KIF6: variants seen among roughly 807,000 people sequenced by gnomAD.
KIF6 encodes the protein kinesin-like protein KIF6.
A neutral mutation model predicts 112.7 loss-of-function variants in KIF6; 106 were observed. The observed-to-expected ratio is 0.94, with a 90% CI of 0.80 to 1.11. The LOEUF is 1.11. Ranked by LOEUF, KIF6 falls within the 50% of genes least tolerant of loss-of-function variation. The pLI is 0.00. For missense variants in KIF6, 929 were observed against 964.0 expected, an observed-to-expected ratio of 0.96 and a Z score of 0.48; for synonymous variants, 339 against 339.9, an observed-to-expected ratio of 1.00 and a Z score of 0.03.
intron 13 of KIF6, among the ~76,000 whole-genome samples, chr6:39,488,921 A>G (rs1359557777): frequency 1.3e-5 from 2 of 152,192 alleles, no homozygotes; most frequent in Non-Finnish European, 2.9e-5. Context: ...AGTTTCTAGA[A>G]TGGCAGAGTT....
chr6:39,539,587 C>T (rs922639164), intron 13 of KIF6, among the ~76,000 whole-genome samples: 4 of 152,212 alleles, frequency 2.6e-5, no homozygotes, highest in Non-Finnish European at 4.4e-5. Context: ...TTGTGATCTG[C>T]CTGCCTTGGC....
intron 10 of KIF6, among the ~76,000 whole-genome samples, chr6:39,557,354 G>A (rs916968949): frequency 3.3e-5 from 5 of 152,024 alleles, no homozygotes; most frequent in Non-Finnish European, 5.9e-5. Context: ...GGTTTACAAG[G>A]CAAAGACAGA....
chr6:39,599,695 A>G (rs1412161382), intron 6 of KIF6, among the ~76,000 whole-genome samples: 1 of 152,192 alleles, frequency 6.6e-6, no homozygotes, highest in Non-Finnish European at 1.5e-5. Flanking sequence ...TTTCACTGTG[A>G]TAGTCGCACA....
rs376592590 is a variant in KIF6, at chr6:39,512,513, G to A, written c.1645+27490C>T. 1.1e-4 allele frequency among the ~76,000 whole-genome samples: 17 copies of A among 152,332 alleles called. No individual in the cohort carries two copies. In the South Asian group the frequency reaches 3.5e-3, roughly 32 times the overall value. On this transcript the variant is annotated intron_variant, in intron 13 of 22. Transcript: ENST00000287152. ...CCTTGGCTGCTTAGGTCTGAGGCTA[G>A]TCTTGCTCCTCCCAAGTCAGGGTTC...
Position 39,333,001 on chromosome 6 carries a change from T to C in KIF6, c.*3531A>G, listed in dbSNP as rs1182374579. 6.6e-6 allele frequency: 1 copy of C among 152,240 alleles called. No homozygotes were observed. Among genetic ancestry groups the C allele is most frequent in the African/African-American group, 2.4e-5 (1 of 41,470 alleles). The allele number at this position is 152,240 out of a possible 1,614,324, so 9.4% of individuals were successfully genotyped here. On this transcript the variant is annotated 3_prime_UTR_variant, in exon 23 of 23. Coordinates refer to ENST00000287152, the MANE Select transcript of KIF6 (RefSeq NM_145027.6). ...AATCATAGGGCTCCCCTCACTTGTT[T>C]CCCTTCTCTTGCGGATCAATCATAC...
chr6:39,715,629 G>A (rs370323901), intron 2 of KIF6, among the ~76,000 whole-genome samples: 1 of 150,734 alleles, frequency 6.6e-6, no homozygotes, highest in Non-Finnish European at 1.5e-5. Flanking sequence ...TCAGCCTCCC[G>A]AGTAGCTGGG....
At chr6:39,653,668 G>A (rs1025305362) in intron 3 of KIF6, among the ~76,000 whole-genome samples, 1 of 152,194 alleles carries the variant, frequency 6.6e-6, no homozygotes, top group African/African-American at 2.4e-5. Flanking sequence ...GTAAGGTCAA[G>A]CTGCTGGAAG....
In KIF6 at chr6:39,476,305, C is replaced by CTAG; in HGVS notation, c.1646-45147_1646-45145dup. ...ACAGTTGCTCCCATCCTCCACTTAA[C>CTAG]TAGCTGTGGTTTCCCTGTGACTGGA... is the stretch of plus-strand genomic sequence containing the variant. On this transcript the variant is annotated intron_variant, in intron 13 of 22. Coordinates refer to ENST00000287152, the MANE Select transcript of KIF6 (RefSeq NM_145027.6). Among the ~76,000 whole-genome samples, 3 of 151,828 alleles carry CTAG rather than the reference C, an allele frequency of 2.0e-5. No homozygotes were observed. In the South Asian group the frequency reaches 6.3e-4, roughly 32 times the overall value.
At chr6:39,352,193 C>G (rs11754378) in intron 19 of KIF6, among the ~76,000 whole-genome samples, 2 of 152,172 alleles carry the variant, frequency 1.3e-5, no homozygotes, top group Non-Finnish European at 2.9e-5. Flanking sequence ...CTCCTCTTCC[C>G]CACCTTTCAG....
intron 13 of KIF6, among the ~76,000 whole-genome samples, chr6:39,536,951 C>T (rs1431329161): frequency 6.6e-6 from 1 of 151,952 alleles, no homozygotes; most frequent in African/African-American, 2.4e-5. Context: ...ATAAACAGAA[C>T]CAAAGACAAA....
chr6:39,591,652 A>G (rs957549991), intron 7 of KIF6, among the ~76,000 whole-genome samples: 11 of 152,192 alleles, frequency 7.2e-5, no homozygotes, highest in African/African-American at 2.4e-4. Flanking sequence ...GGAATACTAT[A>G]AGCCCAGCCC....
rs1763413456 is a variant in KIF6 at position 39,342,798 on chromosome 6, G to A, written c.2428+911C>T. ...CAAGCAAGGCGAGTACAGGACCAAG[G>A]CCGGCTCTCAGTTGCGGCGCTCCAT... On this transcript the variant is annotated intron_variant, in intron 22 of 22. Transcript: ENST00000287152. This position sits in a 1 kb window ranked among gnomAD's most constrained non-coding sequence, Gnocchi z 4.7. 1.0e-6 allele frequency: 1 copy of A among 985,280 alleles called. No individual in the cohort carries two copies. Among genetic ancestry groups the A allele is most frequent in the Non-Finnish European group, 1.2e-6 (1 of 829,916 alleles). 61.0% of individuals were successfully genotyped at this position (985,280 alleles called of 1,614,324 possible). A position where few individuals can be genotyped will look rare whatever the true frequency, so the allele number is the denominator to read the frequency against.
chr6:39,687,831 A>C (rs1018842250), intron 3 of KIF6, among the ~76,000 whole-genome samples: 1 of 152,148 alleles, frequency 6.6e-6, no homozygotes. Context: ...TTTTCCACAG[A>C]ATGAGGATAC....
chr6:39,665,430 G>C (rs1786410135), intron 3 of KIF6, among the ~76,000 whole-genome samples: 1 of 152,208 alleles, frequency 6.6e-6, no homozygotes, highest in Non-Finnish European at 1.5e-5. Flanking sequence ...TACAACAAAT[G>C]AGAATTCTCT....
intron 5 of KIF6, among the ~76,000 whole-genome samples, chr6:39,625,139 C>G (rs1474021406): frequency 6.6e-6 from 1 of 152,192 alleles, no homozygotes; most frequent in Non-Finnish European, 1.5e-5. Context: ...TGATCTTGGA[C>G]TTCCCAGCCT....
chr6:39,539,285 G>C (rs1778644590), intron 13 of KIF6, among the ~76,000 whole-genome samples: 1 of 151,682 alleles, frequency 6.6e-6, no homozygotes, highest in African/African-American at 2.4e-5. Context: ...GCCCAACCCT[G>C]CCAAATGCTA....
intron 3 of KIF6, among the ~76,000 whole-genome samples, chr6:39,682,972 TTAGAGA>T (rs1787626837): frequency 6.6e-6 from 1 of 152,210 alleles, no homozygotes; most frequent in African/African-American, 2.4e-5. Context: ...GGAAGGACAC[TTAGAGA>T]TAAGGTAACA....
chr6:39,359,819 G>A (rs1764993556), intron 18 of KIF6, among the ~76,000 whole-genome samples: 1 of 152,160 alleles, frequency 6.6e-6, no homozygotes, highest in African/African-American at 2.4e-5. Context: ...GGCTGGTCTT[G>A]AACTCCTGGG....
intron 13 of KIF6, among the ~76,000 whole-genome samples, chr6:39,537,912 G>A (rs1490574487): frequency 3.3e-5 from 5 of 152,046 alleles, no homozygotes; most frequent in South Asian, 2.1e-4. Context: ...AAATAATGCC[G>A]CATACCTACA....
Sources: gnomAD v4.1 joint callset for allele counts (sites outside exome capture counted in the v4.1 genomes callset) on GRCh38, gnomAD v4.1.1 for gene constraint, Gnocchi (gnomAD v3.1) non-coding constraint, MANE v1.5 for transcripts, NCBI Gene and HGNC (gene_info 2026-07-23, HGNC 2026-07-21) for gene names.